Variants in MEF2C observed in about 807,000 individuals in gnomAD.
MEF2C encodes the protein myocyte-specific enhancer factor 2C.
A neutral mutation model predicts 50.5 loss-of-function variants in MEF2C; 6 were observed. The observed-to-expected ratio is 0.12, with a 90% CI of 0.07 to 0.23. The LOEUF is 0.23. MEF2C is among the 10% of genes least tolerant of loss of function. The pLI is 1.00. For synonymous variants in MEF2C, 183 were observed against 228.0 expected (o/e 0.80, Z 1.78); for missense variants, 276 against 605.0 (o/e 0.46, Z 5.70).
chr5:88,787,486 C>T (rs1791534179), intron 3 of MEF2C, among the ~76,000 whole-genome samples: 2 of 152,136 alleles, frequency 1.3e-5, no homozygotes, highest in African/African-American at 4.8e-5. Context: ...CATAACTCGC[C>T]CTCCGTTAGA....
At chr5:88,824,452 T>C (rs1809953062) in intron 1 of MEF2C, 1 of 642,932 alleles carries the variant, frequency 1.6e-6, no homozygotes, top group Admixed American at 6.3e-5. Context: ...AAATGTCAAC[T>C]AATTTAAATC....
intron 1 of MEF2C, among the ~76,000 whole-genome samples, chr5:88,834,186 A>C (rs1448620346): frequency 6.6e-6 from 1 of 152,126 alleles, no homozygotes; most frequent in African/African-American, 2.4e-5. Context: ...AAATGAGATT[A>C]AGGCACACAC....
At chr5:88,780,956 G>A in intron 3 of MEF2C, 1 of 984,910 alleles carries the variant, frequency 1.0e-6, no homozygotes. Context: ...ATATCCTAAT[G>A]CTATCTACCA....
At chr5:88,874,006 T>C (rs1286435655) in intron 1 of MEF2C, among the ~76,000 whole-genome samples, 4 of 151,948 alleles carry the variant, frequency 2.6e-5, no homozygotes, top group African/African-American at 9.7e-5. Flanking sequence ...GATCTACTTT[T>C]TTAACCACAT....
chr5:88,880,508 T>A (rs1832500579), intron 1 of MEF2C, among the ~76,000 whole-genome samples: 1 of 152,136 alleles, frequency 6.6e-6, no homozygotes, highest in Admixed American at 6.5e-5. Flanking sequence ...CAAAATATAC[T>A]ACAATAAACA....
chr5:88,780,272 T>C (rs1342738655), intron 3 of MEF2C, among the ~76,000 whole-genome samples: 2 of 152,246 alleles, frequency 1.3e-5, no homozygotes, highest in East Asian at 3.8e-4. Flanking sequence ...TATTTATTTT[T>C]ATGCTGGTCA....
intron 3 of MEF2C, among the ~76,000 whole-genome samples, chr5:88,804,330 C>G (rs1799493364): frequency 6.6e-6 from 1 of 152,144 alleles, no homozygotes; most frequent in South Asian, 2.1e-4. Context: ...TGACCACTTG[C>G]CAAAGATGAA....
rs1426509656 is a variant in MEF2C at position 88,728,552 on chromosome 5, T to G, written c.1041A>C (p.Val347=). ...GTAGGTGTTGCTGTTGCCAGCCAGTTACTGAACCAAGGTGAAGAGCGCTGG... is the reference window on the plus strand; with the variant it reads ...GTAGGTGTTGCTGTTGCCAGCCAGTGACTGAACCAAGGTGAAGAGCGCTGG... ...NTASALHLGS[V]TGWQQQHLHN... Residue 347 remains valine, a synonymous_variant, in exon 10 of 11, where the codon GTA becomes GTC. Transcript: ENST00000504921. 1 of 1,536,672 alleles carries G rather than the reference T, an allele frequency of 6.5e-7. No individual in the cohort carries two copies. Among genetic ancestry groups the G allele is most frequent in the Admixed American group, 2.0e-5 (1 of 50,330 alleles).
At chr5:88,814,478 T>C (rs1804408096) in intron 2 of MEF2C, among the ~76,000 whole-genome samples, 1 of 152,074 alleles carries the variant, frequency 6.6e-6, no homozygotes, top group South Asian at 2.1e-4. Context: ...CAGCAGTGTG[T>C]TCTGCCGCAA....
chr5:88,865,289 C>T (rs1295442036), intron 1 of MEF2C, among the ~76,000 whole-genome samples: 1 of 152,146 alleles, frequency 6.6e-6, no homozygotes, highest in African/African-American at 2.4e-5. Context: ...ATGTTTTATA[C>T]CTATGACCTT....
At chr5:88,844,534 G>T in intron 1 of MEF2C, 1 of 317,748 alleles carries the variant, frequency 3.1e-6, no homozygotes, top group Non-Finnish European at 4.6e-6. Context: ...AAGGGTTTTT[G>T]TTTTGTTTCT....
chr5:88,762,885 C>T (rs777913788), intron 3 of MEF2C, among the ~76,000 whole-genome samples: 4 of 152,132 alleles, frequency 2.6e-5, no homozygotes, highest in African/African-American at 9.7e-5. Flanking sequence ...TGAGATAACA[C>T]CCCATCTTTA....
intron 8 of MEF2C, 34 bp from the exon 9 acceptor site, chr5:88,729,381 AT>A (rs762883151): frequency 1.9e-5 from 30 of 1,540,302 alleles, no homozygotes; most frequent in Admixed American, 5.7e-5. Context: ...TTACTGATGA[AT>A]TTTTTTAAAA....
chr5:88,787,796 C>T, intron 3 of MEF2C, among the ~76,000 whole-genome samples: 1 of 152,198 alleles, frequency 6.6e-6, no homozygotes, highest in East Asian at 1.9e-4. Context: ...CACGCATGAT[C>T]TTTTCTTTCC....
At chr5:88,739,915 C>A (rs1561752663) in intron 6 of MEF2C, 1 of 985,116 alleles carries the variant, frequency 1.0e-6, no homozygotes, top group African/African-American at 1.7e-5. Context: ...GGGATTCTTA[C>A]ACACAAAATA....
At chr5:88,803,997 T>C (rs185357242) in intron 3 of MEF2C, among the ~76,000 whole-genome samples, 1 of 152,332 alleles carries the variant, frequency 6.6e-6, no homozygotes, top group East Asian at 1.9e-4. Context: ...TTTCATCTGA[T>C]TTCTGATTCC....
chr5:88,837,727 A>C (rs546067868), intron 1 of MEF2C, among the ~76,000 whole-genome samples: 11 of 152,324 alleles, frequency 7.2e-5, no homozygotes, highest in Non-Finnish European at 1.3e-4. Context: ...TGTTTGGATA[A>C]ATAGAATTGT....
intron 1 of MEF2C, among the ~76,000 whole-genome samples, chr5:88,859,322 A>G (rs1382663111): frequency 5.9e-5 from 9 of 152,230 alleles, no homozygotes; most frequent in African/African-American, 2.2e-4. Context: ...GTCTTTACTC[A>G]AAAGCAAGAC....
intron 2 of MEF2C, among the ~76,000 whole-genome samples, chr5:88,811,817 G>A (rs1453041942): frequency 6.6e-6 from 1 of 152,024 alleles, no homozygotes; most frequent in Non-Finnish European, 1.5e-5. Flanking sequence ...AAAGAAACAG[G>A]ATACATGCAT....
Sources: gnomAD v4.1 joint callset for allele counts (sites outside exome capture counted in the v4.1 genomes callset) on GRCh38, gnomAD v4.1.1 for gene constraint, MANE v1.5 for transcripts, NCBI Gene and HGNC (gene_info 2026-07-23, HGNC 2026-07-21) for gene names.